Variants in TTLL11 observed in about 807,000 individuals in gnomAD.
TTLL11 encodes tubulin polyglutamylase TTLL11.
In TTLL11, 42 loss-of-function variants were observed where a neutral mutation model predicts 51.7. The ratio of observed to expected loss-of-function variants is 0.81; its 90% CI spans 0.64 to 1.05. The LOEUF is 1.05. Among genes scored for constraint, TTLL11 ranks in the 50% least tolerant of loss-of-function variants. The pLI, the probability that TTLL11 is intolerant of heterozygous loss-of-function variation, is 0.00. For missense variants in TTLL11, 799 were observed against 940.4 expected (o/e 0.85, Z 1.97); for synonymous variants, 381 against 383.5 (o/e 0.99, Z 0.08).
At chr9:121,983,645 C>A (rs917117857) in intron 4 of TTLL11, among the ~76,000 whole-genome samples, 2 of 152,128 alleles carry the variant, frequency 1.3e-5, no homozygotes, top group Admixed American at 1.3e-4. Flanking sequence ...CTTTACGCTC[C>A]AGCTTAAGCA....
chr9:122,000,803 T>C (rs1004142507), intron 3 of TTLL11, among the ~76,000 whole-genome samples: 1 of 152,222 alleles, frequency 6.6e-6, no homozygotes, highest in Admixed American at 6.5e-5. Flanking sequence ...TTGCATCCAC[T>C]TTACTTTACG....
chr9:121,888,069 T>C (rs1470497288), intron 6 of TTLL11, among the ~76,000 whole-genome samples: 1 of 152,118 alleles, frequency 6.6e-6, no homozygotes, highest in Non-Finnish European at 1.5e-5. Context: ...CCAGGTCCCC[T>C]CTCCAGTTCC....
intron 1 of TTLL11, among the ~76,000 whole-genome samples, chr9:122,078,534 G>A (rs1845917765): frequency 6.6e-6 from 1 of 152,206 alleles, no homozygotes; most frequent in Non-Finnish European, 1.5e-5. Flanking sequence ...GGTGTCAGTA[G>A]TGCATAAAGT....
chr9:122,023,867 A>T (rs1844253957), intron 3 of TTLL11, among the ~76,000 whole-genome samples: 1 of 152,128 alleles, frequency 6.6e-6, no homozygotes, highest in South Asian at 2.1e-4. Context: ...TAATGATGAA[A>T]GACGAAATCC....
In TTLL11 at chr9:121,821,399, G is replaced by A. The variant is rs936734886; in HGVS notation, c.*1188C>T. 2.0e-5 allele frequency among the ~76,000 whole-genome samples: 3 copies of A among 152,158 alleles called. No individual in the cohort carries two copies. Among genetic ancestry groups the A allele is most frequent in the Non-Finnish European group, 4.4e-5 (3 of 68,044 alleles). ...TCCTGCACCTCGCTTGGAGCACGAT[G>A]ACTGACTCTTCCCAGGTTCCTCAGC... is the stretch of plus-strand genomic sequence containing the variant. On this transcript the variant is annotated 3_prime_UTR_variant, in exon 9 of 9. Transcript: ENST00000321582. The surrounding 1 kb of genome is among the most constrained non-coding windows in gnomAD (Gnocchi z 5.0).
chr9:122,020,209 G>A (rs745945797), intron 3 of TTLL11, among the ~76,000 whole-genome samples: 1 of 152,152 alleles, frequency 6.6e-6, no homozygotes, highest in Non-Finnish European at 1.5e-5. Context: ...CTTTGCACAA[G>A]CTATTGTTTT....
chr9:121,871,935 T>G (rs1160733627), intron 6 of TTLL11, among the ~76,000 whole-genome samples: 1 of 152,250 alleles, frequency 6.6e-6, no homozygotes, highest in Admixed American at 6.5e-5. Context: ...TGTCGGGATC[T>G]GGGGCCAGGC....
At chr9:121,994,230 G>T (rs1455748312) in intron 3 of TTLL11, among the ~76,000 whole-genome samples, 1 of 152,168 alleles carries the variant, frequency 6.6e-6, no homozygotes, top group East Asian at 1.9e-4. Flanking sequence ...CTGCTTCGGT[G>T]GGGGGTTATG....
chr9:121,942,936 C>A (rs1405530496), intron 6 of TTLL11, among the ~76,000 whole-genome samples: 1 of 152,112 alleles, frequency 6.6e-6, no homozygotes. Flanking sequence ...GGGAGCTGTT[C>A]GCTGTTCCCA....
intron 1 of TTLL11, among the ~76,000 whole-genome samples, chr9:122,063,390 T>C (rs1461136905): frequency 6.6e-6 from 1 of 152,322 alleles, no homozygotes; most frequent in East Asian, 1.9e-4. Flanking sequence ...ACATGAACTA[T>C]TCAAAACATA....
intron 8 of TTLL11, among the ~76,000 whole-genome samples, chr9:121,839,431 C>T (rs1837287470): frequency 6.6e-6 from 1 of 152,190 alleles, no homozygotes; most frequent in African/African-American, 2.4e-5. Flanking sequence ...GTGATCTTCG[C>T]TTACTCACTG....
At chr9:122,025,778 C>T (rs1244318526) in intron 3 of TTLL11, among the ~76,000 whole-genome samples, 2 of 152,162 alleles carry the variant, frequency 1.3e-5, no homozygotes, top group East Asian at 3.8e-4. Flanking sequence ...TATGATCCAG[C>T]AATTCAATTT....
intron 4 of TTLL11, among the ~76,000 whole-genome samples, chr9:121,978,805 G>A (rs13298386): frequency 0.29 from 44,685 of 151,814 alleles, 6,987 homozygotes; most frequent in Non-Finnish European, 0.32. Flanking sequence ...GCAGTGGTTC[G>A]TTCCTGAGCC....
rs559978876 is a variant in TTLL11, at chr9:121,999,187, C to T, written c.694-9417G>A. On this transcript the variant is annotated intron_variant, in intron 3 of 8. Coordinates refer to ENST00000321582, the MANE Select transcript of TTLL11 (RefSeq NM_001139442.2). ...TTGGTTCAATGCTGTCATGTTCTAT[C>T]CAGGATCACAGGTGACATTTCTTCA... 3.3e-5 allele frequency among the ~76,000 whole-genome samples: 5 copies of T among 152,308 alleles called. No individual in the cohort carries two copies. The South Asian group carries it at 1.0e-3, about 32-fold the overall frequency.
At chr9:121,894,575 G>C (rs1839383510) in intron 6 of TTLL11, among the ~76,000 whole-genome samples, 1 of 152,130 alleles carries the variant, frequency 6.6e-6, no homozygotes, top group Non-Finnish European at 1.5e-5. Context: ...CCATAAAAAA[G>C]GGAAGAGTTC....
intron 6 of TTLL11, among the ~76,000 whole-genome samples, chr9:121,915,065 C>T (rs891939984): frequency 3.0e-4 from 46 of 152,142 alleles, no homozygotes; most frequent in African/African-American, 8.2e-4. Context: ...CTTTCTGTGA[C>T]GGAAACCTCT....
intron 6 of TTLL11, among the ~76,000 whole-genome samples, chr9:121,879,980 A>G (rs1268878445): frequency 6.6e-6 from 1 of 152,174 alleles, no homozygotes; most frequent in African/African-American, 2.4e-5. Flanking sequence ...AAAGAAAAAG[A>G]AAAGAAAAAA....
chr9:121,864,503 T>G (rs1838122922), intron 7 of TTLL11, among the ~76,000 whole-genome samples: 1 of 152,204 alleles, frequency 6.6e-6, no homozygotes, highest in Admixed American at 6.5e-5. Flanking sequence ...AGTTTGAACC[T>G]TGGTTTTGCT....
chr9:122,053,730 C>G (rs1174201180), intron 1 of TTLL11, among the ~76,000 whole-genome samples: 1 of 152,128 alleles, frequency 6.6e-6, no homozygotes, highest in African/African-American at 2.4e-5. Context: ...GCAGTCATGG[C>G]TCCGCGTGCA....
Sources: gnomAD v4.1 joint callset for allele counts (sites outside exome capture counted in the v4.1 genomes callset) on GRCh38, gnomAD v4.1.1 for gene constraint, Gnocchi (gnomAD v3.1) non-coding constraint, MANE v1.5 for transcripts, NCBI Gene and HGNC (gene_info 2026-07-23, HGNC 2026-07-21) for gene names.